Variants in ADGRB3 observed in about 807,000 individuals in gnomAD.
ADGRB3 encodes brain-specific angiogenesis inhibitor 3.
ADGRB3 carries 37 observed loss-of-function variants against 193.4 expected under a neutral mutation model. The observed-to-expected ratio is 0.19, with a 90% CI of 0.15 to 0.25. The LOEUF (loss-of-function observed/expected upper bound fraction) is 0.25, where lower values mean the gene tolerates loss of function less well. Among genes scored for constraint, ADGRB3 ranks in the 10% least tolerant of loss-of-function variants. The pLI, the probability that ADGRB3 is intolerant of heterozygous loss-of-function variation, is 1.00. For missense variants in ADGRB3, 1,637 were observed against 1,852.9 expected, an observed-to-expected ratio of 0.88 and a Z score of 2.14; for synonymous variants, 690 against 644.2, an observed-to-expected ratio of 1.07 and a Z score of -1.08.
chr6:68,765,583 G>T (rs1458156768), intron 3 of ADGRB3, among the ~76,000 whole-genome samples: 1 of 103,722 alleles, frequency 9.6e-6, no homozygotes, highest in Non-Finnish European at 2.2e-5. Context: ...CACACCTGGA[G>T]CAGAGGGTTA....
At chr6:69,338,001 G>T (rs1321976) in intron 24 of ADGRB3, among the ~76,000 whole-genome samples, 8,036 of 152,234 alleles carry the variant, frequency 0.053, 292 homozygotes, top group Non-Finnish European at 0.082. Flanking sequence ...TTTAATTCAA[G>T]TAATTTCTTT....
chr6:68,732,884 G>A (rs765171129), intron 3 of ADGRB3, among the ~76,000 whole-genome samples: 45 of 151,958 alleles, frequency 3.0e-4, no homozygotes, highest in South Asian at 1.0e-3. Context: ...TTCCTAGAGG[G>A]CTTGTTAAAG....
intron 3 of ADGRB3, among the ~76,000 whole-genome samples, chr6:68,908,359 A>C (rs1349777387): frequency 6.6e-6 from 1 of 152,076 alleles, no homozygotes; most frequent in African/African-American, 2.4e-5. Flanking sequence ...AACGCCTAAG[A>C]GCATTTCTCT....
At chr6:68,828,063 G>GTA (rs201080367) in intron 3 of ADGRB3, among the ~76,000 whole-genome samples, 1 of 152,174 alleles carries the variant, frequency 6.6e-6, no homozygotes, top group East Asian at 1.9e-4. Flanking sequence ...AACGCACATA[G>GTA]TATACACTGA....
intron 17 of ADGRB3, among the ~76,000 whole-genome samples, chr6:69,118,139 C>T (rs559061555): frequency 5.9e-5 from 9 of 152,200 alleles, no homozygotes; most frequent in Non-Finnish European, 1.0e-4. Flanking sequence ...GTAGCCGGTT[C>T]CCAGTTTCAT....
chr6:69,161,142 T>C (rs1774974283), intron 17 of ADGRB3, among the ~76,000 whole-genome samples: 1 of 152,066 alleles, frequency 6.6e-6, no homozygotes, highest in Non-Finnish European at 1.5e-5. Flanking sequence ...CATAAAATGG[T>C]TATAATAAAG....
At chr6:69,023,640 C>A (rs1398382435) in intron 13 of ADGRB3, among the ~76,000 whole-genome samples, 1 of 152,058 alleles carries the variant, frequency 6.6e-6, no homozygotes, top group Non-Finnish European at 1.5e-5. Context: ...AATAGGGAGT[C>A]ACTGAATCTT....
At chr6:68,901,006 A>T (rs56016894) in intron 3 of ADGRB3, among the ~76,000 whole-genome samples, 19,854 of 152,160 alleles carry the variant, frequency 0.13, 1,528 homozygotes, top group East Asian at 0.27. Flanking sequence ...ATGCTCATGG[A>T]ATTATTGTTC....
chr6:68,941,383 A>AC (rs1476373621), intron 5 of ADGRB3, among the ~76,000 whole-genome samples: 1 of 152,162 alleles, frequency 6.6e-6, no homozygotes, highest in Non-Finnish European at 1.5e-5. Flanking sequence ...TGAGCCATGA[A>AC]CTTTTACCGT....
chr6:68,886,863 A>G (rs767734927), intron 3 of ADGRB3, among the ~76,000 whole-genome samples: 5 of 151,928 alleles, frequency 3.3e-5, no homozygotes, highest in South Asian at 2.1e-4. Context: ...TTTTCAATTC[A>G]TTATTTCTGT....
intron 8 of ADGRB3, among the ~76,000 whole-genome samples, chr6:68,958,878 T>A (rs374939135): frequency 6.8e-6 from 1 of 147,112 alleles, no homozygotes; most frequent in African/African-American, 2.5e-5. Flanking sequence ...ATAGTGTGTG[T>A]GTGTGTGTGT....
At chr6:68,932,641 A>C (rs962274800) in intron 4 of ADGRB3, among the ~76,000 whole-genome samples, 3 of 151,984 alleles carry the variant, frequency 2.0e-5, no homozygotes, top group Non-Finnish European at 2.9e-5. Context: ...GAATAAATAC[A>C]GGTAAGTGTC....
intron 17 of ADGRB3, among the ~76,000 whole-genome samples, chr6:69,219,852 C>A (rs1396596045): frequency 2.0e-5 from 3 of 151,812 alleles, no homozygotes; most frequent in South Asian, 4.2e-4. Flanking sequence ...ATAATATAAA[C>A]TATATTGTGC....
At chr6:69,298,112 A>G (rs2127295459) in intron 20 of ADGRB3, among the ~76,000 whole-genome samples, 1 of 152,208 alleles carries the variant, frequency 6.6e-6, no homozygotes, top group East Asian at 1.9e-4. Flanking sequence ...TAAAGATGGC[A>G]AGGAAGACTT....
intron 17 of ADGRB3, among the ~76,000 whole-genome samples, chr6:69,168,281 A>G (rs1468021064): frequency 6.6e-6 from 1 of 152,120 alleles, no homozygotes. Flanking sequence ...TCAGCCGAAA[A>G]ACGGTTTGGA....
intron 3 of ADGRB3, among the ~76,000 whole-genome samples, chr6:68,912,281 C>T (rs973351494): frequency 6.6e-6 from 1 of 151,712 alleles, no homozygotes; most frequent in Non-Finnish European, 1.5e-5. Flanking sequence ...CAGAATGAAT[C>T]TACTGTGGCC....
intron 20 of ADGRB3, among the ~76,000 whole-genome samples, chr6:69,240,825 T>TA (rs1022767780): frequency 1.4e-4 from 21 of 152,118 alleles, no homozygotes; most frequent in Admixed American, 5.9e-4. Flanking sequence ...GGTTAATACC[T>TA]ATTCCCAATT....
In ADGRB3 at chr6:68,910,398, C is replaced by A. The variant is rs549586968; in HGVS notation, c.758-20161C>A. ...GGTAGTTTCTTTTGCTGTGCAGAAG[C>A]TCTTTAGTTTAATTAGATCCCATTT... On this transcript the variant is annotated intron_variant, in intron 3 of 31. Coordinates refer to ENST00000370598, the MANE Select transcript of ADGRB3 (RefSeq NM_001704.3). 1.5e-4 allele frequency among the ~76,000 whole-genome samples: 23 copies of A among 152,256 alleles called. 1 individual carries two copies. In the East Asian group the frequency reaches 4.1e-3, roughly 27 times the overall value.
intron 3 of ADGRB3, among the ~76,000 whole-genome samples, chr6:68,729,298 T>C (rs1582153599): frequency 6.6e-6 from 1 of 151,458 alleles, no homozygotes; most frequent in Non-Finnish European, 1.5e-5. Flanking sequence ...CCTGGATAAG[T>C]AGTTAGGAAA....
Sources: gnomAD v4.1 joint callset for allele counts (sites outside exome capture counted in the v4.1 genomes callset) on GRCh38, gnomAD v4.1.1 for gene constraint, MANE v1.5 for transcripts, NCBI Gene and HGNC (gene_info 2026-07-23, HGNC 2026-07-21) for gene names.